GRIN2B: variants seen among roughly 807,000 people sequenced by gnomAD.
GRIN2B encodes glutamate receptor ionotropic, NMDA 2B.
A neutral mutation model predicts 114.5 loss-of-function variants in GRIN2B; 5 were observed. That is an observed-to-expected ratio of 0.04 (90% CI 0.02 to 0.09). The LOEUF (loss-of-function observed/expected upper bound fraction) is 0.09. Ranked by LOEUF, GRIN2B falls within the 10% of genes least tolerant of loss-of-function variation. The pLI is 1.00. For synonymous variants in GRIN2B, 787 were observed against 745.1 expected, an observed-to-expected ratio of 1.06 and a Z score of -0.92; for missense variants, 1,108 against 1,943.5, an observed-to-expected ratio of 0.57 and a Z score of 8.08.
At chr12:13,634,083 C>G (rs1949642795) in intron 5 of GRIN2B, 1 of 152,096 alleles carries the variant, frequency 6.6e-6, no homozygotes. Context: ...AATGAAAAAC[C>G]CATATGATTT....
intron 10 of GRIN2B, among the ~76,000 whole-genome samples, chr12:13,574,211 C>T (rs1383942504): frequency 6.6e-6 from 1 of 152,182 alleles, no homozygotes; most frequent in Non-Finnish European, 1.5e-5. Flanking sequence ...TCACTGTCTC[C>T]AGCAGATAGC....
upstream of GRIN2B, chr12:13,981,955 A>C (rs1476717405): frequency 6.5e-6 from 1 of 153,028 alleles, no homozygotes; most frequent in East Asian, 1.9e-4. Context: ...AAACCCACGA[A>C]GCTGGGGAAG....
chr12:13,905,398 A>G (rs1197944981), intron 2 of GRIN2B, among the ~76,000 whole-genome samples: 1 of 152,168 alleles, frequency 6.6e-6, no homozygotes, highest in African/African-American at 2.4e-5. Flanking sequence ...TGGCTCTTTT[A>G]CAAATCTTCA....
At chr12:13,944,703 G>C (rs1867331942) in intron 2 of GRIN2B, among the ~76,000 whole-genome samples, 1 of 152,150 alleles carries the variant, frequency 6.6e-6, no homozygotes. Flanking sequence ...AGTTAGTTAG[G>C]GGCAGGGACG....
At chr12:13,639,909 T>C (rs916267277) in intron 5 of GRIN2B, among the ~76,000 whole-genome samples, 4 of 152,174 alleles carry the variant, frequency 2.6e-5, no homozygotes, top group Non-Finnish European at 5.9e-5. Flanking sequence ...CGCCTCTTAC[T>C]CTTCACCTTC....
chr12:13,930,079 G>C lies in GRIN2B; in HGVS notation c.-19+49849C>G, dbSNP rs1364045152. Among the ~76,000 whole-genome samples the C allele has an allele frequency of 3.3e-5, 5 of 152,144 alleles. 1 individual carries two copies. The highest frequency in any genetic ancestry group is 7.3e-5 in the Non-Finnish European group (5 of 68,036). ...CGCACCTGCAGTCCCAGCTACTTGG[G>C]AGGCTGAGGCAGGAGAATCGCTTGA... On this transcript the variant is annotated intron_variant, in intron 2 of 13. Coordinates refer to ENST00000609686, the MANE Select transcript of GRIN2B (RefSeq NM_000834.5).
intron 3 of GRIN2B, among the ~76,000 whole-genome samples, chr12:13,825,393 TTC>T (rs1361252689): frequency 4.6e-5 from 7 of 150,616 alleles, no homozygotes; most frequent in African/African-American, 1.7e-4. Flanking sequence ...AGAATGTATA[TTC>T]TCTCTCCTGT....
intron 2 of GRIN2B, among the ~76,000 whole-genome samples, chr12:13,893,682 T>G (rs1238322462): frequency 6.6e-6 from 1 of 152,120 alleles, no homozygotes; most frequent in Admixed American, 6.6e-5. Flanking sequence ...AACTCAAATC[T>G]ATAAATGTAT....
intron 2 of GRIN2B, among the ~76,000 whole-genome samples, chr12:13,936,214 G>C (rs867822771): frequency 6.6e-6 from 1 of 152,148 alleles, no homozygotes; most frequent in African/African-American, 2.4e-5. Flanking sequence ...AAGGTAAAAC[G>C]CAGTTACTAG....
intron 5 of GRIN2B, among the ~76,000 whole-genome samples, chr12:13,623,823 T>C (rs1949542164): frequency 6.6e-6 from 1 of 152,200 alleles, no homozygotes. Context: ...AAATGGAGGG[T>C]TGGTTTCCTA....
intron 4 of GRIN2B, among the ~76,000 whole-genome samples, chr12:13,734,669 A>G (rs1271942153): frequency 6.6e-6 from 1 of 152,192 alleles, no homozygotes; most frequent in Non-Finnish European, 1.5e-5. Flanking sequence ...CCTAGGGTGG[A>G]TACCATAATG....
rs1334442104 is a variant in GRIN2B at position 13,841,990 on chromosome 12, T to A, written c.411+23808A>T. On this transcript the variant is annotated intron_variant, in intron 3 of 13. Transcript: ENST00000609686. Reference sequence around the variant, plus strand: ...CATTATAAAATAATTAGTCTGCAAATTGAGAAATCAGAAACCTCTCCTCTA... The same window carrying A: ...CATTATAAAATAATTAGTCTGCAAAATGAGAAATCAGAAACCTCTCCTCTA... Among the ~76,000 whole-genome samples, 3 of 152,090 alleles carry A rather than the reference T, an allele frequency of 2.0e-5. No homozygotes were observed. In the East Asian group the frequency reaches 5.8e-4, roughly 29 times the overall value.
At chr12:13,768,850 C>A (rs1293909476) in intron 3 of GRIN2B, among the ~76,000 whole-genome samples, 1 of 152,004 alleles carries the variant, frequency 6.6e-6, no homozygotes, top group Non-Finnish European at 1.5e-5. Flanking sequence ...TTGGCTAACA[C>A]GGTGAAACAC....
rs202076051 is a variant in GRIN2B, at chr12:13,571,232, G to A, written c.2171+572C>T. On this transcript the variant is annotated intron_variant, in intron 11 of 13. Coordinates refer to ENST00000609686, the MANE Select transcript of GRIN2B (RefSeq NM_000834.5). ...CCATTATCTTCCATAGCTGTGGCTT[G>A]TGGAGGCCAAATGAACAAAGGGACC... 7.6e-3 allele frequency among the ~76,000 whole-genome samples: 1,151 copies of A among 152,240 alleles called. 16 individuals are homozygous for A. Among genetic ancestry groups the A allele is most frequent in the African/African-American group, 0.025 (1,058 of 41,536 alleles).
At chr12:13,590,036 T>C (rs1421792797) in intron 10 of GRIN2B, among the ~76,000 whole-genome samples, 2 of 152,168 alleles carry the variant, frequency 1.3e-5, no homozygotes, top group East Asian at 3.9e-4. Flanking sequence ...AACTTAGAAA[T>C]GTTATAAATT....
At chr12:13,847,827 A>G (rs1290185309) in intron 3 of GRIN2B, among the ~76,000 whole-genome samples, 1 of 152,140 alleles carries the variant, frequency 6.6e-6, no homozygotes. Flanking sequence ...CTTAGTGCAG[A>G]AAGTAGGGTT....
At chr12:13,785,019 G>T (rs1864198990) in intron 3 of GRIN2B, among the ~76,000 whole-genome samples, 1 of 152,150 alleles carries the variant, frequency 6.6e-6, no homozygotes. Flanking sequence ...CCCACAAAAT[G>T]TTGCTTTTAT....
chr12:13,890,853 C>A (rs1385119744), intron 2 of GRIN2B, among the ~76,000 whole-genome samples: 1 of 152,122 alleles, frequency 6.6e-6, no homozygotes. Flanking sequence ...GCAGACTTTC[C>A]ACCCTGGGAG....
At chr12:13,762,225 A>T (rs943351309) in intron 3 of GRIN2B, among the ~76,000 whole-genome samples, 1 of 152,104 alleles carries the variant, frequency 6.6e-6, no homozygotes, top group Non-Finnish European at 1.5e-5. Flanking sequence ...GGATGGTCTC[A>T]ATCTCCTGAC....
Sources: allele counts gnomAD v4.1 joint callset (sites outside exome capture counted in the v4.1 genomes callset), GRCh38; gene constraint gnomAD v4.1.1; transcripts MANE v1.5; gene names NCBI Gene and HGNC (gene_info 2026-07-23, HGNC 2026-07-21).